GKAP1: variants seen among roughly 807,000 people sequenced by gnomAD.
GKAP1 encodes G kinase anchoring protein 1, also known as G kinase-anchoring protein 1.
A neutral mutation model predicts 56.7 loss-of-function variants in GKAP1; 31 were observed. The ratio of observed to expected loss-of-function variants is 0.55; its 90% confidence interval spans 0.41 to 0.74. The LOEUF (loss-of-function observed/expected upper bound fraction) is 0.74. Among genes scored for constraint, GKAP1 ranks in the 30% least tolerant of loss-of-function variants. The pLI is 0.00. For synonymous variants in GKAP1, 151 were observed against 138.6 expected (o/e 1.09, Z -0.63); for missense variants, 364 against 402.3 (o/e 0.90, Z 0.82).
intron 9 of GKAP1, 96 bp from the exon 10 acceptor site, chr9:83,748,468 C>T: frequency 1.5e-6 from 1 of 659,562 alleles, no homozygotes. Context: ...TCTTGGCTTG[C>T]TCAAAGATAT....
intron 4 of GKAP1, among the ~76,000 whole-genome samples, chr9:83,791,274 G>A (rs548676322): frequency 6.6e-6 from 1 of 151,712 alleles, no homozygotes; most frequent in African/African-American, 2.4e-5. Flanking sequence ...GTGGTGGCGG[G>A]TGCCTGTAGT....
intron 2 of GKAP1, among the ~76,000 whole-genome samples, chr9:83,813,673 G>A (rs1944542696): frequency 6.6e-6 from 1 of 152,230 alleles, no homozygotes. Context: ...TTTAAAAACA[G>A]AAATGTTTCA....
intron 4 of GKAP1, among the ~76,000 whole-genome samples, chr9:83,793,715 TAC>T (rs1165057713): frequency 6.6e-6 from 1 of 152,188 alleles, no homozygotes; most frequent in Non-Finnish European, 1.5e-5. Flanking sequence ...AGGACTCCAA[TAC>T]AGTGAATATA....
At chr9:83,795,855 A>G (rs1944238183) in intron 4 of GKAP1, among the ~76,000 whole-genome samples, 1 of 151,954 alleles carries the variant, frequency 6.6e-6, no homozygotes, top group African/African-American at 2.4e-5. Flanking sequence ...CACTGGGCCT[A>G]AGTGTGTTTC....
intron 2 of GKAP1, among the ~76,000 whole-genome samples, chr9:83,815,331 C>T (rs1453953788): frequency 1.3e-5 from 2 of 151,562 alleles, no homozygotes; most frequent in African/African-American, 2.4e-5. Context: ...AGGCTGATCT[C>T]AAACTCCTGA....
chr9:83,782,318 T>C (rs1943987514), intron 6 of GKAP1, among the ~76,000 whole-genome samples: 1 of 151,856 alleles, frequency 6.6e-6, no homozygotes, highest in Admixed American at 6.6e-5. Flanking sequence ...CAGCCCAAAA[T>C]AGATTTCTTA....
At chr9:83,746,739 T>C (rs1943302225) in intron 10 of GKAP1, among the ~76,000 whole-genome samples, 1 of 152,002 alleles carries the variant, frequency 6.6e-6, no homozygotes, top group African/African-American at 2.4e-5. Flanking sequence ...AAATCACCTC[T>C]AGATTACCTA....
chr9:83,745,351 A>G (rs772165990), intron 10 of GKAP1, among the ~76,000 whole-genome samples: 2 of 151,930 alleles, frequency 1.3e-5, no homozygotes, highest in Non-Finnish European at 2.9e-5. Flanking sequence ...GATTTTGCAG[A>G]GACTAGTGAT....
chr9:83,813,871 TG>T (rs1212222129), intron 2 of GKAP1, among the ~76,000 whole-genome samples: 5 of 152,220 alleles, frequency 3.3e-5, no homozygotes, highest in African/African-American at 1.2e-4. Context: ...AGGGCTGAGG[TG>T]GGCAGATTGC....
At chr9:83,815,633 C>A (rs1400090084) in intron 2 of GKAP1, among the ~76,000 whole-genome samples, 1 of 151,716 alleles carries the variant, frequency 6.6e-6, no homozygotes, top group African/African-American at 2.4e-5. Flanking sequence ...CAAGAACAAC[C>A]AAATATATTA....
chr9:83,768,626 T>C (rs1011627261), intron 8 of GKAP1, among the ~76,000 whole-genome samples, 192 bp downstream of exon 8: 1 of 152,216 alleles, frequency 6.6e-6, no homozygotes, highest in African/African-American at 2.4e-5. Context: ...CATCAATGAA[T>C]GAACTAGTCA....
intron 3 of GKAP1, among the ~76,000 whole-genome samples, chr9:83,801,424 G>C (rs1435212168): frequency 6.6e-6 from 1 of 151,344 alleles, no homozygotes; most frequent in Non-Finnish European, 1.5e-5. Flanking sequence ...GCAGCCCTGA[G>C]AAACTAATAA....
At chr9:83,803,097 G>A (rs1252882218) in intron 3 of GKAP1, among the ~76,000 whole-genome samples, 1 of 152,128 alleles carries the variant, frequency 6.6e-6, no homozygotes. Flanking sequence ...TAACAAGAGT[G>A]AGACCCCGTC....
chr9:83,778,616 C>CAA (rs1478492712), intron 7 of GKAP1, among the ~76,000 whole-genome samples: 1 of 151,746 alleles, frequency 6.6e-6, no homozygotes, highest in Non-Finnish European at 1.5e-5. Context: ...ACCTGGGTGA[C>CAA]AAAATAATCT....
chr9:83,806,648 T>A, intron 2 of GKAP1, 88 bp from the exon 3 acceptor site: 1 of 729,058 alleles, frequency 1.4e-6, no homozygotes, highest in Admixed American at 3.2e-5. Context: ...GTAGATAAAA[T>A]AAATTTCTTC....
chr9:83,739,508 G>T lies in GKAP1; in HGVS notation c.*189C>A. 2.4e-6 allele frequency: 1 copy of T among 423,566 alleles called. No homozygotes were observed. The highest frequency in any genetic ancestry group is 3.4e-5 in the East Asian group (1 of 29,740). The allele number at this position is 423,566 out of a possible 1,614,324, so 26.2% of individuals were successfully genotyped here. A position where few individuals can be genotyped will look rare whatever the true frequency, so the allele number is the denominator to read the frequency against. ...TAGTAGACAACCACTGAATTCTGCT[G>T]GAATTCTCTATTTCTTCTTTTTCAC... On this transcript the variant is annotated 3_prime_UTR_variant, in exon 13 of 13. Coordinates refer to ENST00000376371, the MANE Select transcript of GKAP1 (RefSeq NM_025211.4).
rs1328483203 is a variant in GKAP1, at chr9:83,817,070, TAGAG to T, written c.-122_-119del. On this transcript the variant is annotated 5_prime_UTR_variant, in exon 2 of 13. Coordinates refer to ENST00000376371, the MANE Select transcript of GKAP1 (RefSeq NM_025211.4). Reference sequence around the variant, plus strand: ...CTCCGAAACTTATTCGCAAAGTACATAGAGAAAGAAATTGCGCTGGGCGAAACCT... The same window carrying T: ...CTCCGAAACTTATTCGCAAAGTACATAAAGAAATTGCGCTGGGCGAAACCT... 6.6e-6 allele frequency: 1 copy of T among 152,084 alleles called. No individual in the cohort carries two copies. Among genetic ancestry groups the T allele is most frequent in the Non-Finnish European group, 1.5e-5 (1 of 68,016 alleles). The allele number at this position is 152,084 out of a possible 1,614,324, so 9.4% of individuals were successfully genotyped here. A position where few individuals can be genotyped will look rare whatever the true frequency, so the allele number is the denominator to read the frequency against.
At chr9:83,754,784 G>A (rs921741136) in intron 8 of GKAP1, among the ~76,000 whole-genome samples, 1 of 152,204 alleles carries the variant, frequency 6.6e-6, no homozygotes, top group African/African-American at 2.4e-5. Context: ...AGAAAGCAGT[G>A]AAGGATTTTG....
rs141041688 is a variant in GKAP1 at position 83,784,720 on chromosome 9, G to A, written c.557C>T (p.Ser186Leu). The A allele has an allele frequency of 2.7e-4, 432 of 1,584,730 alleles. 3 individuals carry two copies. Among genetic ancestry groups the A allele is most frequent in the South Asian group, 2.1e-3 (178 of 86,548 alleles). The change falls in exon 6 of 13, where the codon TCG becomes TTG. Residue 186 changes from serine (S) to leucine (L), a missense_variant. By Grantham distance (145) the Ser-to-Leu change is moderately radical. Coordinates refer to ENST00000376371, the MANE Select transcript of GKAP1 (RefSeq NM_025211.4). ...TAGCATTGTATATACATTACCTTCC[G>A]AATGAAAATCTTTTAGTGATACTGT... ...PLTVSLKDFH[S>L]EDHISKKTEE... is the part of the protein sequence containing the mutation.
Sources: gnomAD v4.1 joint callset for allele counts (sites outside exome capture counted in the v4.1 genomes callset) on GRCh38, gnomAD v4.1.1 for gene constraint, MANE v1.5 for transcripts, NCBI Gene and HGNC (gene_info 2026-07-23, HGNC 2026-07-21) for gene names.